MYO5B: variants seen among roughly 807,000 people sequenced by gnomAD.
The protein encoded by MYO5B is unconventional myosin-Vb.
MYO5B carries 143 observed loss-of-function variants against 229.3 expected under a neutral mutation model. The ratio of observed to expected loss-of-function variants is 0.62; its 90% CI spans 0.54 to 0.72. The LOEUF (loss-of-function observed/expected upper bound fraction) is 0.72. Among genes scored for constraint, MYO5B ranks in the 30% least tolerant of loss-of-function variants. The pLI is 0.00. For synonymous variants in MYO5B, 918 were observed against 885.2 expected (o/e 1.04, Z -0.66); for missense variants, 2,321 against 2,331.0 (o/e 1.00, Z 0.09).
intron 29 of MYO5B, among the ~76,000 whole-genome samples, chr18:49,860,228 T>C (rs892470265): frequency 5.3e-5 from 8 of 152,136 alleles, no homozygotes; most frequent in African/African-American, 1.2e-4. Flanking sequence ...CTGGCCACAC[T>C]CCTGCCCCTA....
intron 1 of MYO5B, among the ~76,000 whole-genome samples, chr18:50,099,420 T>C (rs1338981252): frequency 1.3e-5 from 2 of 152,298 alleles, no homozygotes; most frequent in African/African-American, 4.8e-5. Flanking sequence ...TTAGCAACAG[T>C]GGGACACACA....
intron 8 of MYO5B, among the ~76,000 whole-genome samples, chr18:49,983,549 C>T (rs967127279): frequency 6.6e-6 from 1 of 152,236 alleles, no homozygotes; most frequent in African/African-American, 2.4e-5. Flanking sequence ...GGCTGTTCTT[C>T]CCCCACCACC....
At chr18:50,047,331 A>C (rs1192852681) in intron 2 of MYO5B, among the ~76,000 whole-genome samples, 2 of 152,272 alleles carry the variant, frequency 1.3e-5, no homozygotes, top group Non-Finnish European at 1.5e-5. Flanking sequence ...CAAAAAACAC[A>C]TGAAAAGATG....
At chr18:50,133,735 G>A (rs1297789542) in intron 1 of MYO5B, among the ~76,000 whole-genome samples, 1 of 152,094 alleles carries the variant, frequency 6.6e-6, no homozygotes, top group Non-Finnish European at 1.5e-5. Context: ...TGGGGCACTT[G>A]GTCAAAACAC....
intron 28 of MYO5B, 47 bp downstream of exon 28, chr18:49,864,094 C>T (rs1398813759): frequency 6.3e-7 from 1 of 1,599,054 alleles, no homozygotes; most frequent in Admixed American, 1.7e-5. Context: ...AATCTACCAC[C>T]TAGGGTCACC....
intron 18 of MYO5B, among the ~76,000 whole-genome samples, chr18:49,911,685 G>A (rs1018170429): frequency 6.6e-6 from 1 of 152,176 alleles, no homozygotes; most frequent in Non-Finnish European, 1.5e-5. Context: ...TCAGCAGGGA[G>A]CCTGTAAGTG....
chr18:49,942,396 A>AAAAAAAC (rs1555645747), intron 14 of MYO5B, among the ~76,000 whole-genome samples: 3 of 134,012 alleles, frequency 2.2e-5, no homozygotes, highest in African/African-American at 5.8e-5. Flanking sequence ...AAAAAAAAAA[A>AAAAAAAC]AAAAAAAAAC....
At chr18:50,088,571 G>C (rs1279890487) in intron 1 of MYO5B, among the ~76,000 whole-genome samples, 1 of 152,162 alleles carries the variant, frequency 6.6e-6, no homozygotes, top group African/African-American at 2.4e-5. Context: ...TCTATATTTT[G>C]ACATATCCTT....
intron 32 of MYO5B, among the ~76,000 whole-genome samples, chr18:49,848,583 C>CAAAGG (rs59563457): frequency 6.6e-6 from 1 of 151,918 alleles, no homozygotes; most frequent in Admixed American, 6.5e-5. Flanking sequence ...AAGGCAAAGG[C>CAAAGG]CAGACAGTGC....
At chr18:50,084,461 A>C (rs74605163) in intron 1 of MYO5B, among the ~76,000 whole-genome samples, 16,082 of 152,056 alleles carry the variant, frequency 0.11, 1,644 homozygotes, top group African/African-American at 0.27. Context: ...TCAATTGTTT[A>C]CCTTACTGAA....
At chr18:49,852,037 C>T (rs1334158336) in intron 31 of MYO5B, among the ~76,000 whole-genome samples, 2 of 152,232 alleles carry the variant, frequency 1.3e-5, no homozygotes, top group African/African-American at 2.4e-5. Flanking sequence ...GGCCCCTACT[C>T]ATGACCCAGT....
chr18:49,897,180 A>C (rs2024788120), intron 21 of MYO5B, among the ~76,000 whole-genome samples: 5 of 152,146 alleles, frequency 3.3e-5, no homozygotes, highest in Non-Finnish European at 1.5e-5. Context: ...TGACTTCAGA[A>C]GGACAGGCCC....
intron 1 of MYO5B, among the ~76,000 whole-genome samples, chr18:50,142,064 T>C (rs1305989859): frequency 6.6e-6 from 1 of 152,236 alleles, no homozygotes; most frequent in African/African-American, 2.4e-5. Context: ...GCTGCTTTTC[T>C]AGAAGCTAAC....
At chr18:50,124,257 T>A (rs557633458) in intron 1 of MYO5B, among the ~76,000 whole-genome samples, 1 of 152,260 alleles carries the variant, frequency 6.6e-6, no homozygotes, top group Admixed American at 6.5e-5. Flanking sequence ...CGAAGCTTTA[T>A]AGACTTCGTT....
At chr18:49,878,337 T>C (rs975599516) in intron 24 of MYO5B, among the ~76,000 whole-genome samples, 20 of 152,360 alleles carry the variant, frequency 1.3e-4, no homozygotes, top group African/African-American at 4.3e-4. Context: ...AATACTTTTT[T>C]TTTTCCTGCA....
At chr18:50,152,737 G>T (rs1359003376) in intron 1 of MYO5B, among the ~76,000 whole-genome samples, 1 of 151,788 alleles carries the variant, frequency 6.6e-6, no homozygotes, top group East Asian at 1.9e-4. Flanking sequence ...TTAAAACCCA[G>T]GAAAGCTAAA....
At chr18:50,038,181 C>A (rs904505021) in intron 3 of MYO5B, among the ~76,000 whole-genome samples, 1 of 152,064 alleles carries the variant, frequency 6.6e-6, no homozygotes, top group African/African-American at 2.4e-5. Context: ...TTTTTCTTTC[C>A]CATAAGGTCA....
intron 14 of MYO5B, among the ~76,000 whole-genome samples, chr18:49,951,325 C>T (rs1787586): frequency 0.58 from 88,709 of 151,900 alleles, 26,419 homozygotes; most frequent in Middle Eastern, 0.73. Flanking sequence ...GGGGGTGGTC[C>T]TGGGGGCCAC....
At chr18:50,192,305 C>G (rs947982069) in intron 1 of MYO5B, among the ~76,000 whole-genome samples, 7 of 152,176 alleles carry the variant, frequency 4.6e-5, no homozygotes, top group African/African-American at 1.7e-4. Context: ...AGATCAAGAC[C>G]CTGAAGCATT....
Sources: gnomAD v4.1 joint callset for allele counts (sites outside exome capture counted in the v4.1 genomes callset) on GRCh38, gnomAD v4.1.1 for gene constraint, MANE v1.5 for transcripts, NCBI Gene and HGNC (gene_info 2026-07-23, HGNC 2026-07-21) for gene names.